B3GALT1: variants seen among roughly 807,000 people sequenced by gnomAD.
B3GALT1 encodes beta-1,3-galactosyltransferase 1, also known as UDP-Gal:betaGlcNAc beta 1,3-galactosyltransferase, polypeptide 1.
Under a neutral mutation model 23.2 loss-of-function variants are expected in B3GALT1, and 10 were observed. The observed-to-expected ratio is 0.43, with a 90% CI of 0.27 to 0.73. B3GALT1 has a LOEUF of 0.73. B3GALT1 is among the 30% of genes least tolerant of loss of function. The pLI, the probability that B3GALT1 is intolerant of heterozygous loss-of-function variation, is 0.21. For synonymous variants in B3GALT1, 156 were observed against 141.5 expected, an observed-to-expected ratio of 1.10 and a Z score of -0.73; for missense variants, 299 against 405.4, an observed-to-expected ratio of 0.74 and a Z score of 2.25.
At chr2:167,667,111 G>A (rs1310524119) in intron 3 of B3GALT1, among the ~76,000 whole-genome samples, 1 of 152,002 alleles carries the variant, frequency 6.6e-6, no homozygotes, top group African/African-American at 2.4e-5. Flanking sequence ...TCCATGTTTA[G>A]CACTTCCTTC....
intron 2 of B3GALT1, among the ~76,000 whole-genome samples, chr2:167,601,345 C>G (rs1362649977): frequency 6.6e-6 from 1 of 152,142 alleles, no homozygotes; most frequent in Non-Finnish European, 1.5e-5. Context: ...CCACGCCCAG[C>G]CTAGATCCTC....
chr2:167,545,237 G>T (rs991670539), intron 2 of B3GALT1, among the ~76,000 whole-genome samples: 6 of 151,722 alleles, frequency 4.0e-5, no homozygotes, highest in Admixed American at 6.6e-5. Context: ...GGGTTTCACT[G>T]TGTTAGCCAG....
intron 1 of B3GALT1, among the ~76,000 whole-genome samples, chr2:167,367,823 A>T (rs922993148): frequency 6.6e-6 from 1 of 152,232 alleles, no homozygotes; most frequent in South Asian, 2.1e-4. Flanking sequence ...TGCAATGTCT[A>T]CCTTGCTAAC....
intron 2 of B3GALT1, among the ~76,000 whole-genome samples, chr2:167,506,195 G>A (rs1220643033): frequency 2.0e-5 from 3 of 152,150 alleles, no homozygotes; most frequent in Non-Finnish European, 4.4e-5. Context: ...GCACACCTCT[G>A]TTTTCATATA....
chr2:167,370,419 CTG>C (rs1298872275), intron 1 of B3GALT1, among the ~76,000 whole-genome samples: 2 of 152,252 alleles, frequency 1.3e-5, no homozygotes, highest in East Asian at 3.9e-4. Flanking sequence ...AACACATACT[CTG>C]TGCTAGCCTA....
intron 1 of B3GALT1, among the ~76,000 whole-genome samples, chr2:167,448,436 C>G: frequency 6.6e-6 from 1 of 151,822 alleles, no homozygotes; most frequent in East Asian, 1.9e-4. Context: ...TATTAATGTC[C>G]TTAGCTCAAT....
Position 167,608,345 on chromosome 2 carries a change from C to T in B3GALT1, c.-409-38564C>T, listed in dbSNP as rs9808564. 3.9e-3 allele frequency among the ~76,000 whole-genome samples: 588 copies of T among 152,140 alleles called. 2 individuals carry two copies. Among genetic ancestry groups the T allele is most frequent in the African/African-American group, 0.013 (542 of 41,520 alleles). ...TTTGTCATAATACATATTCATCTGA[C>T]GTATTTGGCGTATAGCATAACTTAG... On this transcript the variant is annotated intron_variant, in intron 2 of 4. Coordinates refer to ENST00000392690, the MANE Select transcript of B3GALT1 (RefSeq NM_020981.4).
At chr2:167,767,024 T>A (rs572037635) in intron 3 of B3GALT1, among the ~76,000 whole-genome samples, 204 of 152,184 alleles carry the variant, frequency 1.3e-3, no homozygotes, top group Non-Finnish European at 2.5e-3. Flanking sequence ...TCATCTCCTA[T>A]TAAAATTGTT....
chr2:167,470,439 A>T (rs1031674323), intron 1 of B3GALT1, among the ~76,000 whole-genome samples: 2 of 152,210 alleles, frequency 1.3e-5, no homozygotes, highest in African/African-American at 4.8e-5. Context: ...AATACAAAAC[A>T]TATTGTAATC....
intron 1 of B3GALT1, among the ~76,000 whole-genome samples, chr2:167,475,395 T>C (rs972623161): frequency 1.3e-5 from 2 of 152,160 alleles, no homozygotes; most frequent in Non-Finnish European, 2.9e-5. Flanking sequence ...CTAGTGATGC[T>C]GGCACTTCAG....
intron 3 of B3GALT1, among the ~76,000 whole-genome samples, chr2:167,697,480 C>T (rs976306252): frequency 6.6e-6 from 1 of 152,186 alleles, no homozygotes; most frequent in Non-Finnish European, 1.5e-5. Context: ...GAAATATGCT[C>T]AGTCTCCTAC....
chr2:167,302,154 A>G (rs1415889981), intron 1 of B3GALT1, among the ~76,000 whole-genome samples: 3 of 152,220 alleles, frequency 2.0e-5, no homozygotes, highest in African/African-American at 7.2e-5. Flanking sequence ...TGATGAAATA[A>G]TAGTGAAAAA....
chr2:167,353,799 G>A (rs895331441), intron 1 of B3GALT1, among the ~76,000 whole-genome samples: 1 of 152,076 alleles, frequency 6.6e-6, no homozygotes, highest in African/African-American at 2.4e-5. Flanking sequence ...TGCCTAATAG[G>A]TGCTGTGTTT....
intron 1 of B3GALT1, among the ~76,000 whole-genome samples, chr2:167,487,862 A>C (rs1376598751): frequency 1.3e-5 from 2 of 152,166 alleles, no homozygotes; most frequent in African/African-American, 4.8e-5. Context: ...AGTATGCATA[A>C]TGCTTGCTTT....
chr2:167,498,356 T>C (rs753406506), intron 2 of B3GALT1, among the ~76,000 whole-genome samples: 1 of 152,162 alleles, frequency 6.6e-6, no homozygotes, highest in Non-Finnish European at 1.5e-5. Flanking sequence ...CAACTCCTTA[T>C]TGGATTTTTT....
At chr2:167,800,691 A>C (rs770942983) in intron 3 of B3GALT1, among the ~76,000 whole-genome samples, 1 of 152,150 alleles carries the variant, frequency 6.6e-6, no homozygotes, top group East Asian at 1.9e-4. Context: ...TCATCTTTTC[A>C]GTTTCACAAA....
chr2:167,796,944 T>C (rs1157428208), intron 3 of B3GALT1, among the ~76,000 whole-genome samples: 2 of 152,204 alleles, frequency 1.3e-5, no homozygotes, highest in East Asian at 3.8e-4. Context: ...AGGAACATTT[T>C]CTTTTCTTTT....
chr2:167,827,185 A>G (rs537392751), intron 4 of B3GALT1, among the ~76,000 whole-genome samples: 1 of 152,178 alleles, frequency 6.6e-6, no homozygotes, highest in African/African-American at 2.4e-5. Context: ...AAGCTATTTC[A>G]TCTACTGCCC....
intron 2 of B3GALT1, among the ~76,000 whole-genome samples, chr2:167,592,279 T>G (rs1684697438): frequency 6.6e-6 from 1 of 152,194 alleles, no homozygotes; most frequent in African/African-American, 2.4e-5. Context: ...CTGCGGACTC[T>G]CTGCCCCAAT....
Sources: gnomAD v4.1 joint callset for allele counts (sites outside exome capture counted in the v4.1 genomes callset) on GRCh38, gnomAD v4.1.1 for gene constraint, MANE v1.5 for transcripts, NCBI Gene and HGNC (gene_info 2026-07-23, HGNC 2026-07-21) for gene names.